Variants in XKR3 observed in about 807,000 individuals in gnomAD.
XKR3 encodes XK related 3.
In XKR3, 27 loss-of-function variants were observed where a neutral mutation model predicts 40.3. That is an observed-to-expected ratio of 0.67 (90% CI 0.49 to 0.92). The LOEUF (loss-of-function observed/expected upper bound fraction) is 0.92, where lower values mean the gene tolerates loss of function less well. XKR3 is among the 40% of genes least tolerant of loss of function. The pLI is 0.00. For missense variants in XKR3, 472 were observed against 537.6 expected (o/e 0.88, Z 1.21); for synonymous variants, 193 against 195.4 (o/e 0.99, Z 0.10).
At chr22:16,789,194 A>C (rs958013612) in intron 3 of XKR3, among the ~76,000 whole-genome samples, 87 of 152,266 alleles carry the variant, frequency 5.7e-4, no homozygotes, top group Non-Finnish European at 1.2e-3. Flanking sequence ...GAGAAAGAAA[A>C]GGTACCCAAA....
intron 3 of XKR3, among the ~76,000 whole-genome samples, chr22:16,794,011 C>A (rs1244855255): frequency 1.3e-5 from 2 of 152,058 alleles, no homozygotes; most frequent in Admixed American, 1.3e-4. Flanking sequence ...AAAAATAATT[C>A]AAAATGAATA....
In XKR3 at chr22:16,784,420, C is replaced by G; in HGVS notation, c.590-11G>C. The G allele has an allele frequency of 6.4e-7, 1 of 1,563,932 alleles. No individual in the cohort carries two copies. ...ATGTCATCAGCAATGCTATTAAAGA[C>G]AAACATGAAAATGTTAGAGAATATT... On this transcript the variant is annotated splice_polypyrimidine_tract_variant and intron_variant, in intron 3 of 3. Transcript: ENST00000684488.
In XKR3 at chr22:16,824,599, A is replaced by G. The variant is rs115485598; in HGVS notation, c.-11+692T>C. ...GTATAAAGGAAAGCATGGAAAGACA[A>G]CTGCAGAGACATCAGAGTTTCTGGG... On this transcript the variant is annotated intron_variant, in intron 1 of 3. Transcript: ENST00000684488. Among the ~76,000 whole-genome samples, 1,343 of 152,226 alleles carry G rather than the reference A, an allele frequency of 8.8e-3. 20 individuals carry two copies. The highest frequency in any genetic ancestry group is 0.031 in the African/African-American group (1,269 of 41,528).
intron 1 of XKR3, among the ~76,000 whole-genome samples, chr22:16,808,970 T>G (rs1387483642): frequency 6.6e-6 from 1 of 152,156 alleles, no homozygotes; most frequent in Non-Finnish European, 1.5e-5. Flanking sequence ...AATGCAAATT[T>G]CCAGAAAGAA....
At chr22:16,816,341 TA>T (rs1435623254) in intron 1 of XKR3, among the ~76,000 whole-genome samples, 1 of 149,334 alleles carries the variant, frequency 6.7e-6, no homozygotes, top group East Asian at 1.9e-4. Flanking sequence ...CTTTTGACAT[TA>T]ATTACCATAT....
intron 2 of XKR3, among the ~76,000 whole-genome samples, chr22:16,803,407 G>C (rs1481503319): frequency 6.6e-6 from 1 of 152,092 alleles, no homozygotes. Flanking sequence ...ATTTGTCAGA[G>C]GCATGTGAAC....
chr22:16,795,243 C>T (rs1400662221), intron 3 of XKR3, among the ~76,000 whole-genome samples: 2 of 152,022 alleles, frequency 1.3e-5, no homozygotes, highest in Non-Finnish European at 2.9e-5. Flanking sequence ...GAAATCAATA[C>T]CAAGAAGATC....
intron 3 of XKR3, among the ~76,000 whole-genome samples, chr22:16,791,778 GGAGAGAGAGAGA>G (rs763159994): frequency 0.35 from 42,283 of 121,650 alleles, 5,558 homozygotes; most frequent in Admixed American, 0.42. Flanking sequence ...GGAGAGAGAG[GGAGAGAGAGAGA>G]GAGAGAGAGA....
intron 3 of XKR3, among the ~76,000 whole-genome samples, chr22:16,795,509 G>A (rs577345727): frequency 1.1e-3 from 168 of 152,006 alleles, no homozygotes; most frequent in Non-Finnish European, 1.7e-3. Context: ...GGAGGGAGGG[G>A]GAACCAACAC....
chr22:16,805,011 T>A (rs2060184080), intron 2 of XKR3, among the ~76,000 whole-genome samples: 2 of 152,156 alleles, frequency 1.3e-5, no homozygotes, highest in African/African-American at 4.8e-5. Context: ...ACTTTCTCCC[T>A]TATGTCAAAA....
chr22:16,806,634 T>C (rs1424604007), intron 2 of XKR3, among the ~76,000 whole-genome samples: 1 of 152,040 alleles, frequency 6.6e-6, no homozygotes, highest in Non-Finnish European at 1.5e-5. Context: ...AGACGGTTTT[T>C]CACCATGTTG....
At chr22:16,784,453 A>C (rs1296686811) in intron 3 of XKR3, 44 bp from the exon 4 acceptor site, 2 of 1,494,088 alleles carry the variant, frequency 1.3e-6, no homozygotes, top group Non-Finnish European at 1.8e-6. Context: ...ATTTTTCATT[A>C]GTAATGACCA....
intron 2 of XKR3, 55 bp downstream of exon 2, chr22:16,807,684 T>G: frequency 7.1e-7 from 1 of 1,411,302 alleles, no homozygotes; most frequent in South Asian, 1.4e-5. Context: ...AGCCATCTAT[T>G]TATATTCAAT....
At position 16,800,136 on chromosome 22, in the gene XKR3, T is replaced by C. The variant is rs187164783; in HGVS notation, c.336-112A>G. ...TTAATTTTGAAATTATACTATCAAA[T>C]GGCAAATATTAACTTAATCACACTG... On this transcript the variant is annotated intron_variant, in intron 2 of 3. Transcript: ENST00000684488. 1.1e-5 allele frequency: 13 copies of C among 1,216,288 alleles called. No individual in the cohort carries two copies. In the East Asian group the frequency reaches 2.2e-4, roughly 21 times the overall value. The allele number at this position is 1,216,288 out of a possible 1,614,324, so 75.3% of individuals were successfully genotyped here.
chr22:16,810,596 C>T (rs2060208499), intron 1 of XKR3, among the ~76,000 whole-genome samples: 1 of 152,078 alleles, frequency 6.6e-6, no homozygotes, highest in South Asian at 2.1e-4. Context: ...TAAAAGTAAC[C>T]ATTTTAAAGT....
chr22:16,816,174 T>C (rs1288416952), intron 1 of XKR3, among the ~76,000 whole-genome samples: 1 of 151,972 alleles, frequency 6.6e-6, no homozygotes, highest in Non-Finnish European at 1.5e-5. Flanking sequence ...TACTCTCTTA[T>C]CTACATAATA....
intron 3 of XKR3, among the ~76,000 whole-genome samples, chr22:16,796,329 CT>C (rs1398836735): frequency 6.6e-6 from 1 of 152,118 alleles, no homozygotes; most frequent in Admixed American, 6.5e-5. Context: ...GTGGAGGGGC[CT>C]TTTTCCCATC....
intron 1 of XKR3, among the ~76,000 whole-genome samples, chr22:16,820,487 T>C (rs1428660879): frequency 6.6e-6 from 1 of 152,144 alleles, no homozygotes; most frequent in Non-Finnish European, 1.5e-5. Flanking sequence ...GCTGGATTCC[T>C]TCATATTTAA....
intron 3 of XKR3, among the ~76,000 whole-genome samples, chr22:16,785,965 A>T (rs1447584157): frequency 6.6e-6 from 1 of 152,208 alleles, no homozygotes; most frequent in African/African-American, 2.4e-5. Flanking sequence ...TAAATTTATT[A>T]TTCACTTTCT....
Sources: gnomAD v4.1 joint callset for allele counts (sites outside exome capture counted in the v4.1 genomes callset) on GRCh38, gnomAD v4.1.1 for gene constraint, MANE v1.5 for transcripts, NCBI Gene and HGNC (gene_info 2026-07-23, HGNC 2026-07-21) for gene names.